Variants in GRK4 observed in about 807,000 individuals in gnomAD.
The protein encoded by GRK4 is G protein-coupled receptor kinase 2-like.
In GRK4, 73 loss-of-function variants were observed where a neutral mutation model predicts 77.9. The ratio of observed to expected loss-of-function variants is 0.94; its 90% CI spans 0.78 to 1.14. The LOEUF (loss-of-function observed/expected upper bound fraction) is 1.14, where lower values mean the gene tolerates loss of function less well. GRK4 is among the 50% of genes most tolerant of loss of function. The pLI, the probability that GRK4 is intolerant of heterozygous loss-of-function variation, is 0.00. For missense variants in GRK4, 729 were observed against 700.2 expected, an observed-to-expected ratio of 1.04 and a Z score of -0.46; for synonymous variants, 257 against 254.4, an observed-to-expected ratio of 1.01 and a Z score of -0.10.
chr4:2,967,408 C>T (rs915880053), intron 1 of GRK4, among the ~76,000 whole-genome samples: 5 of 152,204 alleles, frequency 3.3e-5, no homozygotes, highest in Admixed American at 6.5e-5. Flanking sequence ...TATTTTGTTT[C>T]GTTTTGTTTT....
chr4:3,004,971 G>A (rs1256204187), intron 5 of GRK4, among the ~76,000 whole-genome samples: 1 of 151,968 alleles, frequency 6.6e-6, no homozygotes, highest in Non-Finnish European at 1.5e-5. Flanking sequence ...CACTGAAGGG[G>A]GTCCCATCGT....
intron 10 of GRK4, among the ~76,000 whole-genome samples, chr4:3,027,335 C>T (rs2110034722): frequency 6.6e-6 from 1 of 152,220 alleles, no homozygotes; most frequent in East Asian, 1.9e-4. Context: ...GTGTGAACCA[C>T]CGTGTCTGGC....
chr4:2,995,688 G>A (rs1727654536), intron 4 of GRK4, among the ~76,000 whole-genome samples: 1 of 149,786 alleles, frequency 6.7e-6, no homozygotes, highest in Admixed American at 6.6e-5. Context: ...AAAAAAAAAA[G>A]AGTTTACTTG....
chr4:3,038,739 G>A, intron 15 of GRK4: 1 of 474,716 alleles, frequency 2.1e-6, no homozygotes, highest in East Asian at 3.1e-5. Context: ...ATCCAAAACA[G>A]GACTACCTTC....
intron 6 of GRK4, 63 bp from the exon 7 acceptor site, chr4:3,009,585 A>G (rs1732299083): frequency 2.3e-6 from 3 of 1,282,810 alleles, no homozygotes; most frequent in Non-Finnish European, 3.4e-6. Context: ...CGCTGAGTAA[A>G]CTTTTCTTTT....
At chr4:2,996,999 C>G (rs1478437702) in intron 4 of GRK4, among the ~76,000 whole-genome samples, 2 of 152,102 alleles carry the variant, frequency 1.3e-5, no homozygotes, top group Admixed American at 6.5e-5. Context: ...ACAGGAGGCT[C>G]TCTTGATGCC....
chr4:3,002,195 C>T (rs576877513), intron 4 of GRK4, among the ~76,000 whole-genome samples: 27 of 152,058 alleles, frequency 1.8e-4, no homozygotes, highest in African/African-American at 6.0e-4. Context: ...GTGCTGTTTG[C>T]GTGGGAAAAC....
intron 8 of GRK4, among the ~76,000 whole-genome samples, chr4:3,016,783 C>T (rs1734675179): frequency 6.6e-6 from 1 of 151,862 alleles, no homozygotes; most frequent in African/African-American, 2.4e-5. Flanking sequence ...CATAGAAATC[C>T]ACAATCTAGC....
At chr4:3,026,542 C>T (rs760557184) in intron 10 of GRK4, among the ~76,000 whole-genome samples, 2 of 152,166 alleles carry the variant, frequency 1.3e-5, no homozygotes, top group Non-Finnish European at 2.9e-5. Context: ...CCAGCCTGGG[C>T]AACATGACCA....
intron 7 of GRK4, among the ~76,000 whole-genome samples, chr4:3,010,992 C>T (rs1391582820): frequency 1.3e-5 from 2 of 152,176 alleles, no homozygotes; most frequent in East Asian, 1.9e-4. Flanking sequence ...CTAATCCAAT[C>T]GTATGCTTGC....
chr4:2,990,104 G>A (rs780210796), intron 3 of GRK4, among the ~76,000 whole-genome samples: 77 of 152,140 alleles, frequency 5.1e-4, no homozygotes, highest in Non-Finnish European at 9.1e-4. Flanking sequence ...ACTTTAAAAT[G>A]TATATATATT....
intron 1 of GRK4, among the ~76,000 whole-genome samples, chr4:2,983,697 A>G (rs1359726268): frequency 1.3e-5 from 2 of 151,968 alleles, no homozygotes; most frequent in African/African-American, 2.4e-5. Context: ...CTTATCTCTT[A>G]TCATTATCTG....
At chr4:3,036,617 A>G (rs1740717275) in intron 13 of GRK4, among the ~76,000 whole-genome samples, 1 of 152,166 alleles carries the variant, frequency 6.6e-6, no homozygotes, top group Non-Finnish European at 1.5e-5. Flanking sequence ...GGAGACCCGG[A>G]CCTTGGCACT....
intron 5 of GRK4, among the ~76,000 whole-genome samples, chr4:3,005,522 G>A (rs1457739671): frequency 6.6e-6 from 1 of 152,142 alleles, no homozygotes; most frequent in African/African-American, 2.4e-5. Flanking sequence ...TAACACACAG[G>A]CCGGGCGCGG....
intron 4 of GRK4, among the ~76,000 whole-genome samples, chr4:2,994,377 C>T (rs1490859549): frequency 6.6e-6 from 1 of 152,016 alleles, no homozygotes; most frequent in East Asian, 1.9e-4. Flanking sequence ...CACTTGGCTA[C>T]TTTTTATATT....
At chr4:2,985,519 A>G (rs1724046298) in intron 2 of GRK4, among the ~76,000 whole-genome samples, 1 of 152,028 alleles carries the variant, frequency 6.6e-6, no homozygotes, top group South Asian at 2.1e-4. Context: ...TAGCCTGGGC[A>G]ACATAGTGAG....
At chr4:3,005,634 C>G (rs1226845549) in intron 5 of GRK4, among the ~76,000 whole-genome samples, 1 of 151,984 alleles carries the variant, frequency 6.6e-6, no homozygotes, top group Non-Finnish European at 1.5e-5. Context: ...GAAACCCCAT[C>G]TCTCCAAAAA....
Position 3,004,294 on chromosome 4 carries a change from G to A in GRK4, c.403G>A (p.Glu135Lys). 6.2e-7 allele frequency: 1 copy of A among 1,613,732 alleles called. No homozygotes were observed. Among genetic ancestry groups the A allele is most frequent in the Non-Finnish European group, 8.5e-7 (1 of 1,179,636 alleles). ...GACAGAATGTAGATTGGGACTGAAG[G>A]AGGAGAACCCTTCCAAAAAAGCCTT... ...VVTECRLGLKEENPSKKAFEE... is the reference protein window; with the variant it reads ...VVTECRLGLKKENPSKKAFEE... Residue 135 changes from glutamate (E) to lysine (K), a missense_variant, in exon 5 of 16, where the codon GAG becomes AAG. Transcript: ENST00000398052.
At chr4:2,982,722 A>C (rs1723181604) in intron 1 of GRK4, among the ~76,000 whole-genome samples, 1 of 152,230 alleles carries the variant, frequency 6.6e-6, no homozygotes, top group South Asian at 2.1e-4. Context: ...CCCTGAAAAA[A>C]ATAACCCATA....
Sources: gnomAD v4.1 joint callset for allele counts (sites outside exome capture counted in the v4.1 genomes callset) on GRCh38, gnomAD v4.1.1 for gene constraint, MANE v1.5 for transcripts, NCBI Gene and HGNC (gene_info 2026-07-23, HGNC 2026-07-21) for gene names.